The following SEZ6L variants were observed in gnomAD, a reference collection of about 807,000 sequenced individuals.
The protein encoded by SEZ6L is seizure related 6 homolog like, also known as seizure 6-like protein.
SEZ6L carries 37 observed loss-of-function variants against 106.2 expected under a neutral mutation model. The observed-to-expected ratio is 0.35, with a 90% CI of 0.27 to 0.46. SEZ6L has a LOEUF of 0.46. Ranked by LOEUF, SEZ6L falls within the 20% of genes least tolerant of loss-of-function variation. The pLI is 1.00. For missense variants in SEZ6L, 1,172 were observed against 1,332.8 expected, an observed-to-expected ratio of 0.88 and a Z score of 1.88; for synonymous variants, 541 against 570.4, an observed-to-expected ratio of 0.95 and a Z score of 0.73.
intron 1 of SEZ6L, among the ~76,000 whole-genome samples, chr22:26,236,063 G>A (rs1236217339): frequency 6.6e-6 from 1 of 152,228 alleles, no homozygotes; most frequent in East Asian, 1.9e-4. Context: ...CGGGCAACTT[G>A]AAATCTGCAT....
chr22:26,335,173 C>T (rs889884318), intron 9 of SEZ6L, among the ~76,000 whole-genome samples: 5 of 152,170 alleles, frequency 3.3e-5, no homozygotes, highest in African/African-American at 9.7e-5. Flanking sequence ...GGGGAAAAAA[C>T]TAAATTGCCA....
intron 13 of SEZ6L, among the ~76,000 whole-genome samples, chr22:26,367,634 G>T (rs1288225303): frequency 6.6e-6 from 1 of 152,008 alleles, no homozygotes; most frequent in African/African-American, 2.4e-5. Context: ...TCTGACCTCT[G>T]CCTGCTTTTG....
chr22:26,348,586 G>GAGAA lies in SEZ6L; in HGVS notation c.2407+693_2407+696dup, dbSNP rs372770820. Reference sequence around the variant, plus strand: ...GGGAGGAAAGAAAGAAAGAAAGAAAGAGAAAGAAAGAAAGAAAGAAAGAGA... The same window carrying GAGAA: ...GGGAGGAAAGAAAGAAAGAAAGAAAGAGAAAGAAAGAAAGAAAGAAAGAAAGAGA... On this transcript the variant is annotated intron_variant, in intron 11 of 16. Transcript: ENST00000248933. Among the ~76,000 whole-genome samples the GAGAA allele has an allele frequency of 3.2e-3, 183 of 57,868 alleles. 4 individuals carry two copies. The highest frequency in any genetic ancestry group is 4.2e-3 in the African/African-American group (36 of 8,516). 38.0% of individuals were successfully genotyped at this position (57,868 alleles called of 152,430 possible). A position where few individuals can be genotyped will look rare whatever the true frequency, so the allele number is the denominator to read the frequency against.
rs149365695 is a variant in SEZ6L at position 26,248,326 on chromosome 22, G to A, written c.95-44080G>A. Among the ~76,000 whole-genome samples the A allele has an allele frequency of 3.3e-3, 502 of 152,304 alleles. 2 individuals are homozygous for A. The highest frequency in any genetic ancestry group is 0.011 in the African/African-American group (475 of 41,554). On this transcript the variant is annotated intron_variant, in intron 1 of 16. Coordinates refer to ENST00000248933, the MANE Select transcript of SEZ6L (RefSeq NM_021115.5). ...AGGATACATAATGACTTGTACATAA[G>A]TGTTTAGTAAGAGGGAACTACTATT... is the stretch of plus-strand genomic sequence containing the variant.
intron 10 of SEZ6L, among the ~76,000 whole-genome samples, chr22:26,344,122 T>C (rs1036570422): frequency 3.7e-4 from 57 of 152,200 alleles, no homozygotes; most frequent in African/African-American, 1.3e-3. Context: ...CTGAAGATCC[T>C]ATATTGACCT....
In SEZ6L at chr22:26,302,138, GTGGCGAAC is replaced by G. The variant is rs1454687564; in HGVS notation, c.1348+2971_1348+2978del. Reference sequence around the variant, plus strand: ...AGAGAGATGAAGTAACATACTTGAAGTGGCGAACTTAGTCCAGATCCCTTCTCTCCTGA... The same window carrying G: ...AGAGAGATGAAGTAACATACTTGAAGTTAGTCCAGATCCCTTCTCTCCTGA... On this transcript the variant is annotated intron_variant, in intron 5 of 16. Coordinates refer to ENST00000248933, the MANE Select transcript of SEZ6L (RefSeq NM_021115.5). Among the ~76,000 whole-genome samples the G allele has an allele frequency of 4.6e-5, 7 of 152,334 alleles. No individual in the cohort carries two copies. In the East Asian group the frequency reaches 1.3e-3, roughly 29 times the overall value.
intron 1 of SEZ6L, among the ~76,000 whole-genome samples, chr22:26,263,966 C>A (rs965890021): frequency 6.6e-6 from 1 of 152,224 alleles, no homozygotes; most frequent in Admixed American, 6.5e-5. Flanking sequence ...AAAGCTCCAG[C>A]CAGAAAGTAG....
At chr22:26,325,246 T>C (rs1189291806) in intron 9 of SEZ6L, among the ~76,000 whole-genome samples, 1 of 152,170 alleles carries the variant, frequency 6.6e-6, no homozygotes. Context: ...AGAGGTATGG[T>C]GTGGATACAG....
chr22:26,323,769 A>G (rs1190945312), intron 9 of SEZ6L, among the ~76,000 whole-genome samples: 1 of 150,692 alleles, frequency 6.6e-6, no homozygotes, highest in East Asian at 2.0e-4. Flanking sequence ...GGCACACATT[A>G]TCTCATTGAT....
chr22:26,214,517 C>T lies in SEZ6L; in HGVS notation c.94+44754C>T, dbSNP rs1204121706. On this transcript the variant is annotated intron_variant, in intron 1 of 16. Coordinates refer to ENST00000248933, the MANE Select transcript of SEZ6L (RefSeq NM_021115.5). ...AGAGGGAAGAAAAAACTTTAAAGTC[C>T]TGAAGGAGCCAGAACTATACAAAGC... 5.3e-5 allele frequency among the ~76,000 whole-genome samples: 8 copies of T among 152,292 alleles called. No homozygotes were observed. The South Asian group carries it at 1.2e-3, about 24-fold the overall frequency.
chr22:26,238,108 G>A (rs953521462), intron 1 of SEZ6L, among the ~76,000 whole-genome samples: 2 of 152,184 alleles, frequency 1.3e-5, no homozygotes, highest in African/African-American at 4.8e-5. Flanking sequence ...GTCGGGATTT[G>A]AGCAAATCAT....
intron 1 of SEZ6L, among the ~76,000 whole-genome samples, chr22:26,239,838 C>G (rs62225673): frequency 0.022 from 3,367 of 152,144 alleles, 51 homozygotes; most frequent in Non-Finnish European, 0.037. Context: ...TGCATGCAGG[C>G]CCAAGCACAA....
chr22:26,349,823 T>G (rs986382570), intron 11 of SEZ6L, among the ~76,000 whole-genome samples: 1 of 152,246 alleles, frequency 6.6e-6, no homozygotes, highest in African/African-American at 2.4e-5. Context: ...TGCTTTTTTT[T>G]CAGCTCAGAA....
chr22:26,179,904 T>C (rs1474784468), intron 1 of SEZ6L, among the ~76,000 whole-genome samples: 2 of 152,146 alleles, frequency 1.3e-5, no homozygotes, highest in African/African-American at 4.8e-5. Context: ...ATGAACCACA[T>C]GTAGATATTT....
At chr22:26,352,397 T>C (rs553393357) in intron 12 of SEZ6L, among the ~76,000 whole-genome samples, 5 of 152,178 alleles carry the variant, frequency 3.3e-5, no homozygotes, top group Admixed American at 2.6e-4. Context: ...GAGGTCTTGA[T>C]AGTGTTGAAG....
intron 1 of SEZ6L, among the ~76,000 whole-genome samples, chr22:26,265,233 CT>C (rs1484006106): frequency 1.3e-5 from 2 of 152,166 alleles, no homozygotes; most frequent in Non-Finnish European, 2.9e-5. Flanking sequence ...GTGCACCTCC[CT>C]TGTCAACCTG....
At position 26,351,150 on chromosome 22, in the gene SEZ6L, C is replaced by T. The variant is rs759439460; in HGVS notation, c.2506C>T (p.Pro836Ser). 8.1e-6 allele frequency: 13 copies of T among 1,614,060 alleles called. No homozygotes were observed. The highest frequency in any genetic ancestry group is 4.4e-5 in the South Asian group (4 of 91,088). ...GACCACCATCCAATACACCTGCAAC[C>T]CCGGTTTTGTGCTTGAAGGGAGTTC... ...VGTTIQYTCN[P>S]GFVLEGSSLL... Residue 836 changes from proline (P) to serine (S), a missense_variant, in exon 12 of 17, where the codon CCC (proline) becomes TCC (serine). Transcript: ENST00000248933.
chr22:26,282,252 G>T (rs1183726962), intron 1 of SEZ6L, among the ~76,000 whole-genome samples: 1 of 152,132 alleles, frequency 6.6e-6, no homozygotes, highest in Non-Finnish European at 1.5e-5. Flanking sequence ...CTACAATCAC[G>T]TAACTAGTCC....
chr22:26,233,603 C>T (rs1018352814), intron 1 of SEZ6L, among the ~76,000 whole-genome samples: 7 of 152,214 alleles, frequency 4.6e-5, no homozygotes, highest in Non-Finnish European at 1.0e-4. Flanking sequence ...CCCTGATTCT[C>T]CAAGCTTAGG....
Sources: gnomAD v4.1 joint callset for allele counts (sites outside exome capture counted in the v4.1 genomes callset) on GRCh38, gnomAD v4.1.1 for gene constraint, MANE v1.5 for transcripts, NCBI Gene and HGNC (gene_info 2026-07-23, HGNC 2026-07-21) for gene names.